The following SPTB variants were observed in gnomAD, a reference collection of about 807,000 sequenced individuals.
The protein encoded by SPTB is spectrin beta, erythrocytic.
A neutral mutation model predicts 256.2 loss-of-function variants in SPTB; 45 were observed. That is an observed-to-expected ratio of 0.18 (90% CI 0.14 to 0.23). SPTB has a LOEUF of 0.23. SPTB is among the 10% of genes least tolerant of loss of function. The probability of loss-of-function intolerance (pLI) is 1.00; values close to 1 mark genes in which losing one functional copy is unlikely to be tolerated. For missense variants in SPTB, 2,715 were observed against 3,040.4 expected (o/e 0.89, Z 2.52); for synonymous variants, 1,231 against 1,243.1 (o/e 0.99, Z 0.21).
Position 64,801,268 on chromosome 14 carries a change from G to A in SPTB, c.763+17C>T, listed in dbSNP as rs1051822897. On this transcript the variant is annotated intron_variant, in intron 7 of 35. Transcript: ENST00000644917. ...CCACTGCTGCAGCAAAGGCTGGCAG[G>A]GGTGGGTGTGGCTCACCTTCGGGGT... 6.3e-7 allele frequency: 1 copy of A among 1,599,140 alleles called. No individual in the cohort carries two copies. Among genetic ancestry groups the A allele is most frequent in the Non-Finnish European group, 8.6e-7 (1 of 1,166,970 alleles).
Position 64,852,172 on chromosome 14 carries a change from C to T in SPTB, c.-52+27620G>A, listed in dbSNP as rs987990325. 2.6e-5 allele frequency among the ~76,000 whole-genome samples: 4 copies of T among 152,018 alleles called. No individual in the cohort carries two copies. The highest frequency in any genetic ancestry group is 5.9e-5 in the Non-Finnish European group (4 of 68,006). ...ACAGAAGGCCTTCTGCAAGGGTGGA[C>T]GATGAGTGGGGATCAGAGCTGAGCC... On this transcript the variant is annotated intron_variant, in intron 1 of 35. Coordinates refer to ENST00000644917, the MANE Select transcript of SPTB (RefSeq NM_001355436.2). This position sits in a 1 kb window ranked among gnomAD's most constrained non-coding sequence, Gnocchi z 4.2.
chr14:64,795,606 C>T lies in SPTB; in HGVS notation c.1375G>A (p.Ala459Thr). Reference sequence around the variant, plus strand: ...ATGGCCTCATGCTTCTTCTTGGCGGCCTCCACAGCTGCCAGGTCATACCCA... The same window carrying T: ...ATGGCCTCATGCTTCTTCTTGGCGGTCTCCACAGCTGCCAGGTCATACCCA... Reference protein sequence around the residue: ...NFGYDLAAVEAAKKKHEAIET... With the variant: ...NFGYDLAAVETAKKKHEAIET... Residue 459 changes from alanine (A) to threonine (T), a missense_variant, in exon 12 of 36, where the codon GCC (alanine) becomes ACC (threonine). Coordinates refer to ENST00000644917, the MANE Select transcript of SPTB (RefSeq NM_001355436.2). This position sits in a 1 kb window ranked among gnomAD's most constrained non-coding sequence, Gnocchi z 6.5. The T allele has an allele frequency of 6.2e-7, 1 of 1,614,094 alleles. No homozygotes were observed. Among genetic ancestry groups the T allele is most frequent in the Admixed American group, 1.7e-5 (1 of 60,020 alleles).
At chr14:64,877,287 T>C (rs1882870458) in intron 1 of SPTB, among the ~76,000 whole-genome samples, 1 of 152,178 alleles carries the variant, frequency 6.6e-6, no homozygotes, top group Non-Finnish European at 1.5e-5. Context: ...CAGATAATAT[T>C]TTTTAAGCTC....
At chr14:64,780,515 G>C (rs1340871171) in intron 20 of SPTB, among the ~76,000 whole-genome samples, 1 of 152,230 alleles carries the variant, frequency 6.6e-6, no homozygotes, top group Non-Finnish European at 1.5e-5. Flanking sequence ...CTGGGTTCAA[G>C]TGATTCTCCT....
At chr14:64,763,782 C>A (rs763933936) in intron 32 of SPTB, 1 of 518,996 alleles carries the variant, frequency 1.9e-6, no homozygotes, top group East Asian at 5.5e-5. Flanking sequence ...TTGGCCTTTA[C>A]CAGAACGTGC....
chr14:64,859,209 G>T (rs535593278), intron 1 of SPTB, among the ~76,000 whole-genome samples: 4 of 152,208 alleles, frequency 2.6e-5, no homozygotes, highest in East Asian at 3.9e-4. Flanking sequence ...AGCCAAGATC[G>T]CACCACTACA....
intron 1 of SPTB, among the ~76,000 whole-genome samples, chr14:64,857,015 A>G (rs1389028501): frequency 2.6e-5 from 4 of 152,118 alleles, no homozygotes; most frequent in African/African-American, 9.7e-5. Flanking sequence ...GTCCTGTGAA[A>G]CCCTTTGAGG....
rs1163517012 is a variant in SPTB, at chr14:64,825,191, G to T, written c.-51-2046C>A. ...GTTTCAGGAGGGCAGGTGGGGAAAG[G>T]ACATGGTGCATGGGGACAGAGGGCA... is the stretch of plus-strand genomic sequence containing the variant. On this transcript the variant is annotated intron_variant, in intron 1 of 35. Coordinates refer to ENST00000644917, the MANE Select transcript of SPTB (RefSeq NM_001355436.2). This position sits in a 1 kb window ranked among gnomAD's most constrained non-coding sequence, Gnocchi z 4.8. 2.0e-5 allele frequency among the ~76,000 whole-genome samples: 3 copies of T among 152,224 alleles called. No individual in the cohort carries two copies. The East Asian group carries it at 5.8e-4, about 29-fold the overall frequency.
At chr14:64,831,868 C>T (rs2083457369) in intron 1 of SPTB, among the ~76,000 whole-genome samples, 1 of 152,184 alleles carries the variant, frequency 6.6e-6, no homozygotes, top group Non-Finnish European at 1.5e-5. Context: ...AGATCTATAA[C>T]ATCATTTACA....
At chr14:64,859,716 C>CTATA (rs761975167) in intron 1 of SPTB, among the ~76,000 whole-genome samples, 2 of 124,868 alleles carry the variant, frequency 1.6e-5, no homozygotes, top group East Asian at 2.3e-4. Flanking sequence ...CTCTCTCTCT[C>CTATA]TCTCTATATA....
intron 1 of SPTB, among the ~76,000 whole-genome samples, chr14:64,858,944 C>T (rs1329515036): frequency 4.6e-5 from 7 of 152,138 alleles, no homozygotes; most frequent in Admixed American, 3.9e-4. Flanking sequence ...CAGAAACAAC[C>T]TAATCAGGCA....
At chr14:64,828,562 A>G (rs145601698) in intron 1 of SPTB, among the ~76,000 whole-genome samples, 1 of 152,198 alleles carries the variant, frequency 6.6e-6, no homozygotes, top group Non-Finnish European at 1.5e-5. Context: ...AATGGTAAAA[A>G]CCACAATTAC....
chr14:64,822,368 T>TCACACACACACACACACA (rs1594814472), intron 2 of SPTB, among the ~76,000 whole-genome samples: 2 of 538 alleles, frequency 3.7e-3, no homozygotes, highest in Non-Finnish European at 9.6e-3. Context: ...TCTCTCTCTC[T>TCACACACACACACACACA]CTCTCTCACA....
rs373637247 is a variant in SPTB, at chr14:64,793,233, G to A, written c.2430C>T (p.Pro810=). The A allele has an allele frequency of 1.1e-5, 18 of 1,610,080 alleles. No individual in the cohort carries two copies. Among genetic ancestry groups the A allele is most frequent in the South Asian group, 7.7e-5 (7 of 91,084 alleles). ...EHLEQQAQGF[P]EEFRDSPDVT... is the part of the protein sequence containing the mutation. ...CATCTGGGGAATCCCGAAACTCTTC[G>A]GGGAATCCCTGGGCCTGCTGCTCCA... Residue 810 remains proline (P), a synonymous_variant, in exon 14 of 36, where the codon CCC becomes CCT. Transcript: ENST00000644917. This position sits in a 1 kb window ranked among gnomAD's most constrained non-coding sequence, Gnocchi z 7.0.
At chr14:64,812,670 C>G (rs1309314650) in intron 2 of SPTB, among the ~76,000 whole-genome samples, 4 of 152,144 alleles carry the variant, frequency 2.6e-5, no homozygotes, top group Admixed American at 1.3e-4. Flanking sequence ...GCCCCACCCA[C>G]TGCAGCACCT....
intron 24 of SPTB, 80 bp from the exon 25 acceptor site, chr14:64,773,504 C>T: frequency 7.1e-7 from 1 of 1,413,260 alleles, no homozygotes; most frequent in Non-Finnish European, 9.9e-7. Flanking sequence ...CAACATATGC[C>T]AACCACAGCC....
At chr14:64,856,937 T>C (rs891089459) in intron 1 of SPTB, among the ~76,000 whole-genome samples, 2 of 152,234 alleles carry the variant, frequency 1.3e-5, no homozygotes, top group African/African-American at 4.8e-5. Flanking sequence ...ACAAAGTTCT[T>C]GATTTTCCTC....
In SPTB at chr14:64,749,771, C is replaced by A. The variant is rs944042400; in HGVS notation, c.6777-75G>T. The A allele has an allele frequency of 6.4e-7, 1 of 1,572,670 alleles. No homozygotes were observed. Among genetic ancestry groups the A allele is most frequent in the Non-Finnish European group, 8.7e-7 (1 of 1,152,546 alleles). On this transcript the variant is annotated intron_variant, in intron 34 of 35. Transcript: ENST00000644917. The surrounding 1 kb of genome is among the most constrained non-coding windows in gnomAD (Gnocchi z 4.7). ...CTGGGCAGAGGGCTGGCTCTGATCC[C>A]ACAATACCCTGAGCCGAACATCCAG...
chr14:64,765,910 G>A (rs2082168009), intron 32 of SPTB, among the ~76,000 whole-genome samples: 1 of 149,418 alleles, frequency 6.7e-6, no homozygotes. Flanking sequence ...TGTGTGTGGG[G>A]GTGTGGTGTG....
Sources: gnomAD v4.1 joint callset for allele counts (sites outside exome capture counted in the v4.1 genomes callset) on GRCh38, gnomAD v4.1.1 for gene constraint, Gnocchi (gnomAD v3.1) non-coding constraint, MANE v1.5 for transcripts, NCBI Gene and HGNC (gene_info 2026-07-23, HGNC 2026-07-21) for gene names.